C1orf35: variants seen among roughly 807,000 people sequenced by gnomAD.
C1orf35 encodes chromosome 1 open reading frame 35.
In C1orf35, 36 loss-of-function variants were observed where a neutral mutation model predicts 30.9. That is an observed-to-expected ratio of 1.16 (90% CI 0.89 to 1.54). The LOEUF is 1.54. Among genes scored for constraint, C1orf35 ranks in the 40% most tolerant of loss-of-function variants. The probability of loss-of-function intolerance (pLI) is 0.00; values close to 1 mark genes in which losing one functional copy is unlikely to be tolerated. For synonymous variants in C1orf35, 179 were observed against 148.2 expected, an observed-to-expected ratio of 1.21 and a Z score of -1.51; for missense variants, 396 against 358.7, an observed-to-expected ratio of 1.10 and a Z score of -0.84.
At position 228,101,949 on chromosome 1, in the gene C1orf35, G is replaced by A. The variant is rs187987054; in HGVS notation, c.533+131C>T. ...AACCTAGGAGTAACTGGGACAGGAAGTAAAGTAGGGCAGGCCACCCGCCGG... is the reference window on the plus strand; with the variant it reads ...AACCTAGGAGTAACTGGGACAGGAAATAAAGTAGGGCAGGCCACCCGCCGG... On this transcript the variant is annotated intron_variant, in intron 6 of 7. Transcript: ENST00000272139. The A allele has an allele frequency of 1.4e-4, 205 of 1,427,746 alleles. 1 individual carries two copies. In the Admixed American group the frequency reaches 4.0e-3, roughly 28 times the overall value. The allele number at this position is 1,427,746 out of a possible 1,614,324, so 88.4% of individuals were successfully genotyped here.
Position 228,102,157 on chromosome 1 carries a change from G to T in C1orf35, c.456C>A (p.Arg152=). 6.3e-7 allele frequency: 1 copy of T among 1,583,790 alleles called. No homozygotes were observed. Residue 152 remains arginine (R), a synonymous_variant, in exon 6 of 8, where the codon CGC becomes CGA. Coordinates refer to ENST00000272139, the MANE Select transcript of C1orf35 (RefSeq NM_024319.4). ...KLGLSVFTHH[R]VESGGPGTSA... is the part of the protein sequence containing the mutation. The stretch of plus-strand genomic sequence containing the variant: ...AGGTCCCGGGCCCGCCGCTCTCTAC[G>T]CGGTGATGCTGCGGGAGAAGCGAGC...
In C1orf35 at chr1:228,103,060, A is replaced by G. The variant is rs1205245961; in HGVS notation, c.95-11T>C. 4 of 1,603,072 alleles carry G rather than the reference A, an allele frequency of 2.5e-6. No individual in the cohort carries two copies. Among genetic ancestry groups the G allele is most frequent in the Non-Finnish European group, 3.4e-6 (4 of 1,175,848 alleles). On this transcript the variant is annotated splice_polypyrimidine_tract_variant and intron_variant, in intron 1 of 7. Coordinates refer to ENST00000272139, the MANE Select transcript of C1orf35 (RefSeq NM_024319.4). The stretch of plus-strand genomic sequence containing the variant: ...CCATCAGCGAGTTGCCTGCGGACGT[A>G]GACGCTGTGAGTCCAGCGCCCGCCC...
At chr1:228,102,416 G>A (rs763032189) in intron 4 of C1orf35, 34 bp from the exon 5 acceptor site, 4 of 1,597,398 alleles carry the variant, frequency 2.5e-6, no homozygotes, top group South Asian at 2.2e-5. Context: ...CAGTACGGCA[G>A]GGGTCCGCCT....
At chr1:228,101,926 C>T in intron 6 of C1orf35, 154 bp downstream of exon 6, 1 of 1,425,556 alleles carries the variant, frequency 7.0e-7, no homozygotes. Context: ...TAGAGAAAAA[C>T]CTAGGAGTAA....
chr1:228,102,933 G>C lies in C1orf35; in HGVS notation c.211C>G (p.Arg71Gly), dbSNP rs1439190708. 6.6e-7 allele frequency: 1 copy of C among 1,504,826 alleles called. No homozygotes were observed. Among genetic ancestry groups the C allele is most frequent in the Non-Finnish European group, 8.8e-7 (1 of 1,132,814 alleles). 93.2% of individuals were successfully genotyped at this position (1,504,826 alleles called of 1,614,324 possible). ...PSREEELAAV[R>G]EAEREALLAA... is the part of the protein sequence containing the mutation. ...AGCAGCGCCTCGCGCTCCGCCTCCC[G>C]CACGGCTGCCAGTTCCTCCTCGCGG... Residue 71 changes from arginine (R) to glycine (G), a missense_variant, in exon 2 of 8, where the codon CGG (arginine) becomes GGG (glycine). Coordinates refer to ENST00000272139, the MANE Select transcript of C1orf35 (RefSeq NM_024319.4).
At chr1:228,101,884 C>A in intron 6 of C1orf35, 196 bp downstream of exon 6, 2 of 1,421,300 alleles carry the variant, frequency 1.4e-6, no homozygotes, top group Non-Finnish European at 1.8e-6. Flanking sequence ...GTACTTAGGA[C>A]CTCTCTTCAA....
intron 2 of C1orf35, 52 bp from the exon 3 acceptor site, chr1:228,102,740 A>G (rs2124865761): frequency 6.4e-7 from 1 of 1,573,296 alleles, no homozygotes; most frequent in East Asian, 2.3e-5. Context: ...CTCCCACCAC[A>G]GGTCCTCACC....
At chr1:228,102,581 G>T (rs1182722828) in intron 3 of C1orf35, 21 bp from the exon 4 acceptor site, 1 of 1,574,706 alleles carries the variant, frequency 6.4e-7, no homozygotes, top group South Asian at 1.2e-5. Context: ...GAGAGCACAG[G>T]GAGCGCTCGA....
rs1264568563 is a variant in C1orf35 at position 228,102,913 on chromosome 1, C to T, written c.231G>A (p.Ala77=). 24 of 1,485,630 alleles carry T rather than the reference C, an allele frequency of 1.6e-5. No homozygotes were observed. In the East Asian group the frequency reaches 3.6e-4, roughly 22 times the overall value. 92.0% of individuals were successfully genotyped at this position (1,485,630 alleles called of 1,614,324 possible). A position where few individuals can be genotyped will look rare whatever the true frequency, so the allele number is the denominator to read the frequency against. The change falls in exon 2 of 8, where the codon GCG becomes GCA. Residue 77 remains alanine (A), a synonymous_variant. Transcript: ENST00000272139. ...LAAVREAERE[A]LLAALGYKNV... is the part of the protein sequence containing the mutation. Reference sequence around the variant, plus strand: ...CGGACACTCACAGGGCGGCCAGCAGCGCCTCGCGCTCCGCCTCCCGCACGG... The same window carrying T: ...CGGACACTCACAGGGCGGCCAGCAGTGCCTCGCGCTCCGCCTCCCGCACGG...
At position 228,103,234 on chromosome 1, in the gene C1orf35, G is replaced by C. The variant is rs746615017; in HGVS notation, c.-7C>G. 89 of 1,608,748 alleles carry C rather than the reference G, an allele frequency of 5.5e-5. No individual in the cohort carries two copies. Among genetic ancestry groups the C allele is most frequent in the Non-Finnish European group, 7.0e-5 (82 of 1,178,626 alleles). The stretch of plus-strand genomic sequence containing the variant: ...CACGACTGGAGCCGAACATGGCGCC[G>C]GGAAGGCAGTTGCCTGGGGCCTGCG... On this transcript the variant is annotated 5_prime_UTR_variant, in exon 1 of 8. Transcript: ENST00000272139.
rs1273991889 is a variant in C1orf35, at chr1:228,102,652, C to T, written c.282G>A (p.Leu94=). The T allele has an allele frequency of 1.2e-6, 2 of 1,607,206 alleles. No individual in the cohort carries two copies. Among genetic ancestry groups the T allele is most frequent in the African/African-American group, 2.7e-5 (2 of 74,852 alleles). Residue 94 remains leucine, a synonymous_variant, in exon 3 of 8, where the codon CTG becomes CTA. Coordinates refer to ENST00000272139, the MANE Select transcript of C1orf35 (RefSeq NM_024319.4). ...CACCCCGGGGAGTTACCTCCTTGCT[C>T]AGGCCCGTGGGCTGCTTCTTCACGT... is the stretch of plus-strand genomic sequence containing the variant. ...YKNVKKQPTG[L]SKEDFAEVCK... is the part of the protein sequence containing the mutation.
Position 228,101,445 on chromosome 1 carries a change from C to T in C1orf35, c.562G>A (p.Glu188Lys), listed in dbSNP as rs757551011. ...TTCCTCTTTTTCTTTTTCTTCTTCT[C>T]CTTCTTGCTTTTCCTGTGGCTCTCA... ...SCESHRKSKKEKKKKKKRKHK... is the reference protein window; with the variant it reads ...SCESHRKSKKKKKKKKKRKHK... Residue 188 changes from glutamate (E) to lysine (K), a missense_variant, in exon 7 of 8, where the codon GAG (glutamate) becomes AAG (lysine). Coordinates refer to ENST00000272139, the MANE Select transcript of C1orf35 (RefSeq NM_024319.4). 6.2e-7 allele frequency: 1 copy of T among 1,612,848 alleles called. No individual in the cohort carries two copies. Among genetic ancestry groups the T allele is most frequent in the Middle Eastern group, 1.7e-4 (1 of 6,032 alleles).
chr1:228,103,290 C>T lies in C1orf35; in HGVS notation c.-63G>A, dbSNP rs1167051126. ...CAACCTGCAACCCGCAACCCGAGAC[C>T]CGCTACCCACTACCGTCGGACCCAG... On this transcript the variant is annotated 5_prime_UTR_variant, in exon 1 of 8. Coordinates refer to ENST00000272139, the MANE Select transcript of C1orf35 (RefSeq NM_024319.4). The T allele has an allele frequency of 3.8e-6, 6 of 1,570,186 alleles. No individual in the cohort carries two copies. In the South Asian group the frequency reaches 4.6e-5, roughly 12 times the overall value.
intron 6 of C1orf35, 118 bp from the exon 7 acceptor site, chr1:228,101,591 A>G: frequency 1.5e-5 from 23 of 1,524,460 alleles, no homozygotes; most frequent in Non-Finnish European, 2.0e-5. Context: ...AAATCAGTTA[A>G]ATCAAACTAC....
chr1:228,100,977 G>A lies in C1orf35; in HGVS notation c.*154C>T, dbSNP rs2032927874. On this transcript the variant is annotated 3_prime_UTR_variant, in exon 8 of 8. Transcript: ENST00000272139. ...GAAGCCGGCTGCTCCAGAGCTAGCTGTCAAGTCTTTAGCCCCACAGGCTGG... is the reference window on the plus strand; with the variant it reads ...GAAGCCGGCTGCTCCAGAGCTAGCTATCAAGTCTTTAGCCCCACAGGCTGG... The A allele has an allele frequency of 3.5e-6, 4 of 1,138,394 alleles. No homozygotes were observed. The highest frequency in any genetic ancestry group is 5.0e-6 in the Non-Finnish European group (4 of 807,616). 70.5% of individuals were successfully genotyped at this position (1,138,394 alleles called of 1,614,324 possible). A position where few individuals can be genotyped will look rare whatever the true frequency, so the allele number is the denominator to read the frequency against.
intron 3 of C1orf35, 27 bp from the exon 4 acceptor site, chr1:228,102,587 C>T: frequency 6.3e-7 from 1 of 1,577,284 alleles, no homozygotes; most frequent in South Asian, 1.1e-5. Flanking sequence ...ACAGGGAGCG[C>T]TCGAGTCGGC....
Position 228,101,897 on chromosome 1 carries a change from G to A in C1orf35, c.533+183C>T, listed in dbSNP as rs377719881. ...CAGTACTTAGGACCTCTCTTCAAGG[G>A]TGACCCGAGAAACTCCCCTAGAGAA... On this transcript the variant is annotated intron_variant, in intron 6 of 7. Coordinates refer to ENST00000272139, the MANE Select transcript of C1orf35 (RefSeq NM_024319.4). 5.0e-4 allele frequency: 711 copies of A among 1,422,226 alleles called. 5 individuals are homozygous for A. In the East Asian group the frequency reaches 0.015, roughly 29 times the overall value. The allele number at this position is 1,422,226 out of a possible 1,614,324, so 88.1% of individuals were successfully genotyped here.
At chr1:228,102,801 G>A (rs2033009246) in intron 2 of C1orf35, 98 bp downstream of exon 2, 4 of 1,374,104 alleles carry the variant, frequency 2.9e-6, no homozygotes, top group East Asian at 2.6e-5. Context: ...CCGCAGCCCC[G>A]CTCCCGCCCA....
rs2032944680 is a variant in C1orf35, at chr1:228,101,462, T to G, written c.545A>C (p.His182Pro). 8 of 1,612,610 alleles carry G rather than the reference T, an allele frequency of 5.0e-6. No individual in the cohort carries two copies. Among genetic ancestry groups the G allele is most frequent in the Non-Finnish European group, 6.8e-6 (8 of 1,180,006 alleles). The change falls in exon 7 of 8, where the codon CAC becomes CCC. Residue 182 changes from histidine to proline, a missense_variant. By Grantham distance (77) the His-to-Pro change is moderately conservative (BLOSUM62 -2). Transcript: ENST00000272139. The stretch of plus-strand genomic sequence containing the variant: ...CTTCTTCTCCTTCTTGCTTTTCCTG[T>G]GGCTCTCACAACTACAAGGAGGATA... The part of the protein sequence containing the change: ...EDQTESSCES[H>P]RKSKKEKKKK...
Sources: allele counts gnomAD v4.1 joint callset, GRCh38; gene constraint gnomAD v4.1.1; transcripts MANE v1.5; gene names NCBI Gene and HGNC (gene_info 2026-07-23, HGNC 2026-07-21).